BTRC: variants seen among roughly 807,000 people sequenced by gnomAD.
BTRC encodes the protein beta-transducin repeat containing E3 ubiquitin protein ligase.
A neutral mutation model predicts 85.5 loss-of-function variants in BTRC; 42 were observed. That is an observed-to-expected ratio of 0.49 (90% CI 0.38 to 0.64). The LOEUF is 0.64. Ranked by LOEUF, BTRC falls within the 30% of genes least tolerant of loss-of-function variation. The probability of loss-of-function intolerance (pLI) is 0.00; values close to 1 mark genes in which losing one functional copy is unlikely to be tolerated. For missense variants in BTRC, 594 were observed against 743.5 expected (o/e 0.80, Z 2.34); for synonymous variants, 255 against 263.3 (o/e 0.97, Z 0.30).
intron 4 of BTRC, among the ~76,000 whole-genome samples, chr10:101,482,488 C>T (rs536668453): frequency 1.1e-4 from 17 of 149,970 alleles, no homozygotes; most frequent in East Asian, 5.9e-4. Context: ...CTCCGCCTCC[C>T]GGTTTCACGC....
At chr10:101,455,083 A>G (rs761977020) in intron 2 of BTRC, among the ~76,000 whole-genome samples, 6 of 150,762 alleles carry the variant, frequency 4.0e-5, no homozygotes, top group Non-Finnish European at 8.8e-5. Context: ...TTTCTTTGAG[A>G]CAGGGTCTCA....
At chr10:101,532,779 TGTGTGTGTGTGCGC>T (rs2062311264) in intron 8 of BTRC, among the ~76,000 whole-genome samples, 159 bp from the exon 9 acceptor site, 1 of 81,526 alleles carries the variant, frequency 1.2e-5, no homozygotes, top group African/African-American at 9.1e-5. Context: ...TGTGTGTGTG[TGTGTGTGTGTGCGC>T]GTGTGCGCGC....
At chr10:101,536,379 T>C (rs1385836740) in intron 11 of BTRC, among the ~76,000 whole-genome samples, 164 bp from the exon 12 acceptor site, 2 of 152,246 alleles carry the variant, frequency 1.3e-5, no homozygotes. Context: ...GTGAGTTATA[T>C]AGCAGAAAGG....
At chr10:101,364,446 T>A (rs980471313) in intron 1 of BTRC, among the ~76,000 whole-genome samples, 3 of 152,128 alleles carry the variant, frequency 2.0e-5, no homozygotes, top group Non-Finnish European at 4.4e-5. Context: ...TGTAACAGAG[T>A]TTACATCAAG....
intron 14 of BTRC, 40 bp downstream of exon 14, chr10:101,550,931 G>A (rs1427222935): frequency 6.7e-7 from 1 of 1,503,122 alleles, no homozygotes; most frequent in East Asian, 2.3e-5. Context: ...GTGGGTAGGA[G>A]ACGGGATATT....
At chr10:101,494,814 G>A (rs1946219997) in intron 4 of BTRC, among the ~76,000 whole-genome samples, 1 of 152,150 alleles carries the variant, frequency 6.6e-6, no homozygotes, top group Non-Finnish European at 1.5e-5. Context: ...AATTCTGTCT[G>A]GATTGCAGAG....
intron 4 of BTRC, among the ~76,000 whole-genome samples, chr10:101,484,297 G>T (rs912169693): frequency 6.6e-6 from 1 of 152,224 alleles, no homozygotes; most frequent in African/African-American, 2.4e-5. Context: ...GAAACAAGCT[G>T]TTTAAATTCA....
At chr10:101,532,890 C>T (rs1005376116) in intron 8 of BTRC, 62 bp from the exon 9 acceptor site, 2 of 1,310,004 alleles carry the variant, frequency 1.5e-6, no homozygotes, top group African/African-American at 2.9e-5. Context: ...GTAATAGGAC[C>T]AACAAGTCTC....
chr10:101,543,476 T>C (rs2062506075), intron 13 of BTRC, among the ~76,000 whole-genome samples: 1 of 151,888 alleles, frequency 6.6e-6, no homozygotes, highest in Non-Finnish European at 1.5e-5. Context: ...TTTTTTTTTT[T>C]CTTAATCCAG....
At chr10:101,392,224 C>T (rs1003597084) in intron 1 of BTRC, among the ~76,000 whole-genome samples, 3 of 152,150 alleles carry the variant, frequency 2.0e-5, no homozygotes, top group Admixed American at 6.5e-5. Flanking sequence ...GTGATCTGCC[C>T]GCCTTGGCCT....
At chr10:101,547,522 G>C (rs535083937) in intron 13 of BTRC, among the ~76,000 whole-genome samples, 1 of 151,666 alleles carries the variant, frequency 6.6e-6, no homozygotes, top group Non-Finnish European at 1.5e-5. Flanking sequence ...TGTATTTTTA[G>C]TAGAGACTGG....
intron 1 of BTRC, among the ~76,000 whole-genome samples, chr10:101,366,224 CAA>C (rs1024308642): frequency 4.0e-5 from 6 of 150,878 alleles, no homozygotes; most frequent in African/African-American, 1.5e-4. Context: ...AGTGGGTTGA[CAA>C]AGAGAGGTCA....
At chr10:101,493,292 T>G (rs575327368) in intron 4 of BTRC, among the ~76,000 whole-genome samples, 1 of 152,346 alleles carries the variant, frequency 6.6e-6, no homozygotes, top group South Asian at 2.1e-4. Flanking sequence ...TTTGACAGCC[T>G]TTTTGCACCA....
intron 3 of BTRC, among the ~76,000 whole-genome samples, chr10:101,470,379 C>T (rs536299345): frequency 1.5e-5 from 2 of 136,374 alleles, no homozygotes; most frequent in Admixed American, 1.6e-4. Context: ...GTCGCCCAGG[C>T]TGGAGTGCAG....
chr10:101,510,563 A>C (rs1025781696), intron 4 of BTRC, among the ~76,000 whole-genome samples: 2 of 152,070 alleles, frequency 1.3e-5, no homozygotes, highest in Admixed American at 1.3e-4. Context: ...TTAAAACCTG[A>C]CAACAGCCTC....
chr10:101,499,841 G>C (rs539528373), intron 4 of BTRC, among the ~76,000 whole-genome samples: 3 of 151,530 alleles, frequency 2.0e-5, no homozygotes, highest in Non-Finnish European at 2.9e-5. Context: ...TGGAAATCAA[G>C]CCTCAGTGCT....
At chr10:101,482,235 G>A (rs193181503) in intron 4 of BTRC, among the ~76,000 whole-genome samples, 11 of 152,068 alleles carry the variant, frequency 7.2e-5, no homozygotes, top group African/African-American at 2.2e-4. Context: ...TGGCCAGGCT[G>A]GTCTCGAGCT....
intron 13 of BTRC, among the ~76,000 whole-genome samples, chr10:101,539,450 A>C (rs2062434322): frequency 6.6e-6 from 1 of 152,182 alleles, no homozygotes; most frequent in Non-Finnish European, 1.5e-5. Context: ...TTATGTGTGT[A>C]TGTATAAGAC....
chr10:101,504,843 C>G (rs1946479079), intron 4 of BTRC, among the ~76,000 whole-genome samples: 1 of 151,842 alleles, frequency 6.6e-6, no homozygotes, highest in Non-Finnish European at 1.5e-5. Context: ...TTTGCTTGCT[C>G]TGATCAATTT....
Sources: gnomAD v4.1 joint callset for allele counts (sites outside exome capture counted in the v4.1 genomes callset) on GRCh38, gnomAD v4.1.1 for gene constraint, MANE v1.5 for transcripts, NCBI Gene and HGNC (gene_info 2026-07-23, HGNC 2026-07-21) for gene names.